TTN: variants seen among roughly 807,000 people sequenced by gnomAD.
TTN encodes the protein titin.
A neutral mutation model predicts 3,223.0 loss-of-function variants in TTN; 1,525 were observed. That is an observed-to-expected ratio of 0.47 (90% confidence interval 0.45 to 0.49). The LOEUF (loss-of-function observed/expected upper bound fraction) is 0.49, where lower values mean the gene tolerates loss of function less well. TTN is among the 20% of genes least tolerant of loss of function. The probability of loss-of-function intolerance (pLI) is 0.00; values close to 1 mark genes in which losing one functional copy is unlikely to be tolerated. For missense variants in TTN, 40,786 were observed against 43,424.0 expected, an observed-to-expected ratio of 0.94 and a Z score of 5.40; for synonymous variants, 14,094 against 15,161.0, an observed-to-expected ratio of 0.93 and a Z score of 5.17.
At position 178,707,514 on chromosome 2, in the gene TTN, A is replaced by G; in HGVS notation, c.29041+12T>C. ...TGGCTTGAGCTGCATAATACTTTTG[A>G]GGTGTCTGTACCTTTAATGGTCACT... is the stretch of plus-strand genomic sequence containing the variant. On this transcript the variant is annotated intron_variant, in intron 100 of 362. Transcript: ENST00000589042. The G allele has an allele frequency of 6.2e-7, 1 of 1,603,952 alleles. No individual in the cohort carries two copies. The highest frequency in any genetic ancestry group is 8.5e-7 in the Non-Finnish European group (1 of 1,172,546).
At chr2:178,744,060 T>C (rs989915113) in intron 47 of TTN, among the ~76,000 whole-genome samples, 11 of 151,988 alleles carry the variant, frequency 7.2e-5, no homozygotes, top group African/African-American at 2.2e-4. Flanking sequence ...TAAAGACTGA[T>C]AGATGAAAGA....
intron 339 of TTN, 27 bp from the exon 340 acceptor site, chr2:178,547,332 T>G: frequency 6.3e-7 from 1 of 1,578,822 alleles, no homozygotes. Flanking sequence ...GTATTAAGTA[T>G]GAATACAATT....
intron 360 of TTN, 31 bp downstream of exon 360, chr2:178,528,497 T>C (rs1282250219): frequency 6.3e-7 from 1 of 1,594,060 alleles, no homozygotes; most frequent in Non-Finnish European, 8.5e-7. Context: ...TTTTAGTTTT[T>C]CTTCAATAAT....
intron 45 of TTN, among the ~76,000 whole-genome samples, 192 bp downstream of exon 45, chr2:178,757,350 T>C (rs1451209447): frequency 6.6e-6 from 1 of 152,126 alleles, no homozygotes; most frequent in African/African-American, 2.4e-5. Flanking sequence ...GAACACATAC[T>C]TCAGTGAAAT....
chr2:178,725,755 G>A lies in TTN; in HGVS notation c.20554+13C>T, dbSNP rs1362316193. ...TTTATGACATTTCTGCCATGTGGAT[G>A]AACTATATTTACCTTTCAATTTTAC... On this transcript the variant is annotated intron_variant, in intron 70 of 362. Coordinates refer to ENST00000589042, the MANE Select transcript of TTN (RefSeq NM_001267550.2). 2.5e-6 allele frequency: 4 copies of A among 1,570,750 alleles called. No individual in the cohort carries two copies. Among genetic ancestry groups the A allele is most frequent in the East Asian group, 2.3e-5 (1 of 44,320 alleles).
In TTN at chr2:178,679,209, AG is replaced by A. The variant is rs993958336; in HGVS notation, c.33742+129del. 8 of 915,292 alleles carry A rather than the reference AG, an allele frequency of 8.7e-6. No homozygotes were observed. The East Asian group carries it at 1.5e-4, about 18-fold the overall frequency. 56.7% of individuals were successfully genotyped at this position (915,292 alleles called of 1,614,324 possible). A position where few individuals can be genotyped will look rare whatever the true frequency, so the allele number is the denominator to read the frequency against. Reference sequence around the variant, plus strand: ...TACCGGGTAAACTGCTCCTGTGGCCAGTTGAGAGGCGCTTGTCATGGCATTA... The same window carrying A: ...TACCGGGTAAACTGCTCCTGTGGCCATTGAGAGGCGCTTGTCATGGCATTA... On this transcript the variant is annotated intron_variant, in intron 142 of 362. Transcript: ENST00000589042.
In TTN at chr2:178,558,489, A is replaced by G. The variant is rs1477582027; in HGVS notation, c.86970T>C (p.Val28990=). 11 of 1,613,676 alleles carry G rather than the reference A, an allele frequency of 6.8e-6. No homozygotes were observed. The highest frequency in any genetic ancestry group is 9.3e-6 in the Non-Finnish European group (11 of 1,179,824). ...GGGTTGACTTTGCCACTGCACATTT[A>G]ACCCAGTTTTTCTGTCCTTTTTCTA... The part of the protein sequence containing the change: ...EALEKGQKNW[V]KCAVAKSTHH... The change falls in exon 327 of 363, where the codon GTT becomes GTC. Residue 28990 remains valine (V), a synonymous_variant. Coordinates refer to ENST00000589042, the MANE Select transcript of TTN (RefSeq NM_001267550.2).
chr2:178,757,231 T>TGTACTTA (rs1252574568), intron 45 of TTN, among the ~76,000 whole-genome samples: 29 of 148,746 alleles, frequency 1.9e-4, no homozygotes, highest in South Asian at 4.2e-4. Context: ...TAAGTAATAA[T>TGTACTTA]CAGCAAATAG....
Position 178,615,705 on chromosome 2 carries a change from A to T in TTN, c.48396T>A (p.Arg16132=). 6.2e-7 allele frequency: 1 copy of T among 1,612,528 alleles called. No individual in the cohort carries two copies. The highest frequency in any genetic ancestry group is 8.5e-7 in the Non-Finnish European group (1 of 1,178,964). ...GKEYLFKVCA[R]NKCGPGEPAY... The stretch of plus-strand genomic sequence containing the variant: ...CAGGTTCTCCAGGGCCACATTTGTT[A>T]CGAGCACAAACTTTAAATAAGTACT... Residue 16132 remains arginine, a synonymous_variant, in exon 258 of 363, where the codon CGT becomes CGA. Transcript: ENST00000589042.
chr2:178,780,485 T>C (rs1394370047), intron 21 of TTN, among the ~76,000 whole-genome samples: 2 of 152,228 alleles, frequency 1.3e-5, no homozygotes, highest in African/African-American at 4.8e-5. Flanking sequence ...GCTGTGTGTC[T>C]TTTAACAATT....
rs1060500395 is a variant in TTN, at chr2:178,592,257, C to A, written c.59647G>T (p.Asp19883Tyr). The change falls in exon 302 of 363, where the codon GAT becomes TAT. Residue 19883 changes from aspartate to tyrosine, a missense_variant. Transcript: ENST00000589042. Reference sequence around the variant, plus strand: ...TTCCTAATTTCACTGACTTCCAGATCTCTAGGTGGCCCAGGTTTATCTAAA... The same window carrying A: ...TTCCTAATTTCACTGACTTCCAGATATCTAGGTGGCCCAGGTTTATCTAAA... ...LVLDKPGPPR[D>Y]LEVSEIRKDS... The A allele has an allele frequency of 9.9e-6, 16 of 1,611,634 alleles. No homozygotes were observed. Among genetic ancestry groups the A allele is most frequent in the Non-Finnish European group, 1.3e-5 (15 of 1,178,956 alleles).
intron 69 of TTN, 172 bp downstream of exon 69, chr2:178,726,918 G>A: frequency 1.7e-6 from 1 of 588,960 alleles, no homozygotes; most frequent in Non-Finnish European, 2.5e-6. Flanking sequence ...CTAGTTACAT[G>A]TAAGCAAAAT....
rs1328033187 is a variant in TTN, at chr2:178,612,075, C to T, written c.50336G>A (p.Gly16779Asp). The T allele has an allele frequency of 6.2e-7, 1 of 1,611,318 alleles. No individual in the cohort carries two copies. The highest frequency in any genetic ancestry group is 8.5e-7 in the Non-Finnish European group (1 of 1,178,682). Residue 16779 changes from glycine (G) to aspartate (D), a missense_variant, in exon 267 of 363, where the codon GGT becomes GAT. Physicochemically the swap from Gly to Asp is moderately conservative, Grantham distance 94. Coordinates refer to ENST00000589042, the MANE Select transcript of TTN (RefSeq NM_001267550.2). ...ATTCTACCTCTGTATTGGTCTTCCA[C>T]CATCATTTTTAGGTGGCTCCCACTT... The part of the protein sequence containing the change: ...DLKWEPPKND[G>D]GRPIQRYVIE...
At chr2:178,762,413 A>T (rs1293361463) in intron 43 of TTN, among the ~76,000 whole-genome samples, 2 of 152,102 alleles carry the variant, frequency 1.3e-5, no homozygotes, top group Non-Finnish European at 2.9e-5. Flanking sequence ...AGATAGTGAA[A>T]TTTTTCTCTT....
chr2:178,694,982 C>T, intron 115 of TTN, 76 bp from the exon 116 acceptor site: 4 of 1,050,254 alleles, frequency 3.8e-6, no homozygotes, highest in Non-Finnish European at 5.6e-6. Flanking sequence ...CTCTCTCTCT[C>T]TGTGTATATG....
rs1578129937 is a variant in TTN, at chr2:178,728,976, C to T, written c.19062G>A (p.Val6354=). ...DSVATLQIRS[V]DNGHSGRYTC... ...TATATCTCCCACTGTGTCCATTATC[C>T]ACACTTCTGATTTGAAGTGTGGCCA... The change falls in exon 65 of 363, where the codon GTG becomes GTA. Residue 6354 remains valine, a synonymous_variant. Coordinates refer to ENST00000589042, the MANE Select transcript of TTN (RefSeq NM_001267550.2). 22 of 1,613,062 alleles carry T rather than the reference C, an allele frequency of 1.4e-5. No homozygotes were observed. The highest frequency in any genetic ancestry group is 1.8e-5 in the Non-Finnish European group (21 of 1,179,538).
Position 178,534,335 on chromosome 2 carries a change from A to G in TTN, c.102280T>C (p.Tyr34094His). The G allele has an allele frequency of 6.2e-7, 1 of 1,613,074 alleles. No homozygotes were observed. Among genetic ancestry groups the G allele is most frequent in the South Asian group, 1.1e-5 (1 of 91,084 alleles). Residue 34094 changes from tyrosine to histidine, a missense_variant, in exon 358 of 363, where the codon TAC (tyrosine) becomes CAC (histidine). Tyr to His is a moderately conservative substitution (Grantham distance 83). Transcript: ENST00000589042. ...AGGTCTTTCTTGATCAGGGTGTGGT[A>G]ATAACGCCGGTGTTTTAATGTTCTG... ...VIRTLKHRRY[Y>H]HTLIKKDLNM...
chr2:178,580,584 C>T lies in TTN; in HGVS notation c.66795G>A (p.Ala22265=), dbSNP rs765777105. Residue 22265 remains alanine (A), a synonymous_variant, in exon 317 of 363, where the codon GCG becomes GCA. Transcript: ENST00000589042. ...GTAATATGAGTGTCTTCCTTAAGTC[C>T]GCATCAAGTTCTCCCTCAGGTGGAA... ...ILIPPEGELD[A]DLRKTLILRA... is the part of the protein sequence containing the mutation. 2.1e-5 allele frequency: 34 copies of T among 1,610,666 alleles called. No homozygotes were observed. The highest frequency in any genetic ancestry group is 1.6e-4 in the South Asian group (14 of 90,146).
At position 178,580,304 on chromosome 2, in the gene TTN, T is replaced by G. The variant is rs772156562; in HGVS notation, c.67057+18A>C. On this transcript the variant is annotated intron_variant, in intron 317 of 362. Transcript: ENST00000589042. ...GCTATTTTAAAATATATATGATTCT[T>G]TTTTGAAATAGACTTACCAAGCACT... 2 of 1,607,554 alleles carry G rather than the reference T, an allele frequency of 1.2e-6. No individual in the cohort carries two copies. The highest frequency in any genetic ancestry group is 1.7e-6 in the Non-Finnish European group (2 of 1,177,392).
Sources: allele counts gnomAD v4.1 joint callset (sites outside exome capture counted in the v4.1 genomes callset), GRCh38; gene constraint gnomAD v4.1.1; transcripts MANE v1.5; gene names NCBI Gene and HGNC (gene_info 2026-07-23, HGNC 2026-07-21).